Variants in PIP5K1B observed in about 807,000 individuals in gnomAD.
PIP5K1B encodes the protein phosphatidylinositol-4-phosphate 5-kinase type 1 beta, also known as phosphatidylinositol 4-phosphate 5-kinase type-1 beta.
In PIP5K1B, 42 loss-of-function variants were observed where a neutral mutation model predicts 67.0. The observed-to-expected ratio is 0.63, with a 90% CI of 0.49 to 0.81. The LOEUF (loss-of-function observed/expected upper bound fraction) is 0.81. Ranked by LOEUF, PIP5K1B falls within the 30% of genes least tolerant of loss-of-function variation. The pLI, the probability that PIP5K1B is intolerant of heterozygous loss-of-function variation, is 0.00. For synonymous variants in PIP5K1B, 214 were observed against 231.4 expected (o/e 0.92, Z 0.68); for missense variants, 459 against 646.3 (o/e 0.71, Z 3.14).
intron 12 of PIP5K1B, among the ~76,000 whole-genome samples, chr9:68,930,587 G>C (rs1826947747): frequency 6.6e-6 from 1 of 151,900 alleles, no homozygotes; most frequent in South Asian, 2.1e-4. Flanking sequence ...TTGGTTTGCA[G>C]GTTTTATTAT....
intron 14 of PIP5K1B, among the ~76,000 whole-genome samples, chr9:68,983,625 A>T (rs941448020): frequency 2.6e-5 from 4 of 152,238 alleles, no homozygotes; most frequent in African/African-American, 9.6e-5. Flanking sequence ...CAGTGTGCAT[A>T]CATGGATACT....
chr9:68,917,431 C>A, intron 8 of PIP5K1B, 117 bp from the exon 9 acceptor site: 1 of 756,858 alleles, frequency 1.3e-6, no homozygotes, highest in Non-Finnish European at 2.3e-6. Context: ...CTCAGCCACC[C>A]CGCTGGGAGG....
Position 68,894,637 on chromosome 9 carries a change from G to A in PIP5K1B, c.770G>A (p.Arg257Gln), listed in dbSNP as rs996499672. 15 of 1,612,458 alleles carry A rather than the reference G, an allele frequency of 9.3e-6. No homozygotes were observed. The highest frequency in any genetic ancestry group is 4.5e-5 in the East Asian group (2 of 44,860). The part of the protein sequence containing the change: ...ALMKTLQRDC[R>Q]VLESFKIMDY... ...ATGAAAACACTTCAGAGAGACTGCC[G>A]GGTAAGGAAGTTTGATTGTTGTGAT... The change falls in exon 8 of 16, where the codon CGG becomes CAG. Residue 257 changes from arginine to glutamine, a missense_variant and splice_region_variant. Physicochemically the swap from Arg to Gln is conservative, Grantham distance 43. Around this residue, in one of 2 missense-constraint regions of PIP5K1B, gnomAD observed 290 missense variants for 474.4 expected, o/e 0.61. Coordinates refer to ENST00000265382, the MANE Select transcript of PIP5K1B (RefSeq NM_003558.4).
At chr9:68,769,985 T>C (rs1264459267) in intron 2 of PIP5K1B, among the ~76,000 whole-genome samples, 1 of 152,204 alleles carries the variant, frequency 6.6e-6, no homozygotes, top group Non-Finnish European at 1.5e-5. Flanking sequence ...CATCTGGGTT[T>C]TCCACGCCTT....
At chr9:68,759,681 G>T (rs1402165692) in intron 2 of PIP5K1B, among the ~76,000 whole-genome samples, 1 of 151,914 alleles carries the variant, frequency 6.6e-6, no homozygotes, top group East Asian at 1.9e-4. Flanking sequence ...TATTTTCAAA[G>T]AAAATTTAAC....
chr9:68,970,633 T>G (rs1829310615), intron 14 of PIP5K1B, among the ~76,000 whole-genome samples: 1 of 152,250 alleles, frequency 6.6e-6, no homozygotes, highest in Non-Finnish European at 1.5e-5. Context: ...CAGGTTTCCA[T>G]TTTTAGAATT....
At chr9:68,853,647 A>G (rs111629768) in intron 4 of PIP5K1B, among the ~76,000 whole-genome samples, 5 of 152,204 alleles carry the variant, frequency 3.3e-5, no homozygotes, top group African/African-American at 1.2e-4. Flanking sequence ...CAGGCAAATG[A>G]TATGTGACCA....
At chr9:68,982,759 CAA>C (rs5898053) in intron 14 of PIP5K1B, among the ~76,000 whole-genome samples, 51 of 147,942 alleles carry the variant, frequency 3.4e-4, no homozygotes, top group African/African-American at 3.7e-4. Flanking sequence ...GACTCCATCT[CAA>C]AAAAAAAAAA....
chr9:68,782,552 G>A lies in PIP5K1B; in HGVS notation c.-85-35909G>A, dbSNP rs1169918573. ...AAAGCTCTGACTGTTTAAAGTTATC[G>A]CTTACAGAGACTTTAACAATTTTGT... On this transcript the variant is annotated intron_variant, in intron 2 of 15. Transcript: ENST00000265382. 6 of 167,144 alleles carry A rather than the reference G, an allele frequency of 3.6e-5. No homozygotes were observed. The East Asian group carries it at 9.6e-4, about 27-fold the overall frequency. The allele number at this position is 167,144 out of a possible 1,614,324, so 10.4% of individuals were successfully genotyped here.
chr9:68,714,366 A>G (rs1587329263), intron 1 of PIP5K1B, among the ~76,000 whole-genome samples: 2 of 152,148 alleles, frequency 1.3e-5, no homozygotes, highest in East Asian at 1.9e-4. Context: ...TCCATCACCA[A>G]TGTCTATTGA....
intron 1 of PIP5K1B, among the ~76,000 whole-genome samples, chr9:68,720,087 G>T (rs1361036478): frequency 6.6e-6 from 1 of 152,228 alleles, no homozygotes; most frequent in Non-Finnish European, 1.5e-5. Flanking sequence ...ACCTAGAACA[G>T]TGTCCAGCAC....
chr9:68,744,865 C>A (rs543772051), intron 2 of PIP5K1B, among the ~76,000 whole-genome samples: 1 of 152,246 alleles, frequency 6.6e-6, no homozygotes, highest in African/African-American at 2.4e-5. Context: ...TTTCCACAGT[C>A]TCTAGAAAGC....
chr9:68,766,018 C>G (rs1225357845), intron 2 of PIP5K1B, among the ~76,000 whole-genome samples: 1 of 152,050 alleles, frequency 6.6e-6, no homozygotes, highest in African/African-American at 2.4e-5. Context: ...ATTGGAAACA[C>G]CTTAAATTTC....
At chr9:68,729,868 A>G (rs1828335592) in intron 1 of PIP5K1B, among the ~76,000 whole-genome samples, 2 of 152,148 alleles carry the variant, frequency 1.3e-5, no homozygotes, top group African/African-American at 4.8e-5. Context: ...AACAAAAGCC[A>G]TTTCATTGAA....
At chr9:68,808,027 G>C (rs956298196) in intron 2 of PIP5K1B, among the ~76,000 whole-genome samples, 1 of 152,122 alleles carries the variant, frequency 6.6e-6, no homozygotes, top group Non-Finnish European at 1.5e-5. Context: ...GCAAAACCCT[G>C]TCTGTACCAA....
chr9:68,996,130 T>C (rs532624593), intron 15 of PIP5K1B, among the ~76,000 whole-genome samples: 1 of 152,348 alleles, frequency 6.6e-6, no homozygotes, highest in Admixed American at 6.5e-5. Flanking sequence ...AATACATAAG[T>C]TTAAACCCAA....
At chr9:68,883,850 A>C (rs796737783) in intron 6 of PIP5K1B, among the ~76,000 whole-genome samples, 1 of 138,272 alleles carries the variant, frequency 7.2e-6, no homozygotes, top group African/African-American at 2.6e-5. Context: ...ACACACACAC[A>C]CCCTATAGTC....
intron 2 of PIP5K1B, among the ~76,000 whole-genome samples, chr9:68,804,593 T>C (rs957824227): frequency 2.0e-5 from 3 of 150,474 alleles, no homozygotes; most frequent in African/African-American, 7.3e-5. Context: ...TTTCAATTTT[T>C]TTTTTTTTTT....
chr9:68,882,042 C>T (rs1322482296), intron 6 of PIP5K1B, among the ~76,000 whole-genome samples: 5 of 152,190 alleles, frequency 3.3e-5, no homozygotes, highest in Non-Finnish European at 7.3e-5. Flanking sequence ...CTGGGTTGTG[C>T]TCTGCTTTTT....
Sources: gnomAD v4.1 joint callset for allele counts (sites outside exome capture counted in the v4.1 genomes callset) on GRCh38, gnomAD v4.1.1 for gene constraint, gnomAD v4.1.1 regional missense constraint, MANE v1.5 for transcripts, NCBI Gene and HGNC (gene_info 2026-07-23, HGNC 2026-07-21) for gene names.